Variants in ADGRL2 observed in about 807,000 individuals in gnomAD.
ADGRL2 encodes the protein adhesion G protein-coupled receptor L2, also known as calcium-independent alpha-latrotoxin receptor 2.
A neutral mutation model predicts 157.4 loss-of-function variants in ADGRL2; 44 were observed. The observed-to-expected ratio is 0.28, with a 90% confidence interval of 0.22 to 0.36. The LOEUF (loss-of-function observed/expected upper bound fraction) is 0.36. ADGRL2 is among the 10% of genes least tolerant of loss of function. The pLI is 1.00. For missense variants in ADGRL2, 1,510 were observed against 1,768.9 expected, an observed-to-expected ratio of 0.85 and a Z score of 2.63; for synonymous variants, 585 against 624.7, an observed-to-expected ratio of 0.94 and a Z score of 0.95.
At chr1:81,679,102 G>T (rs569780957) in intron 3 of ADGRL2, among the ~76,000 whole-genome samples, 3 of 152,140 alleles carry the variant, frequency 2.0e-5, no homozygotes, top group African/African-American at 7.2e-5. Flanking sequence ...GGTGGACCTC[G>T]AAATTGTTTC....
upstream of ADGRL2, among the ~76,000 whole-genome samples, chr1:81,696,645 G>A (rs891184523): frequency 1.3e-5 from 2 of 152,074 alleles, no homozygotes; most frequent in Non-Finnish European, 1.5e-5. Context: ...CCAGCTACTC[G>A]GGAGGCTGAG....
intron 3 of ADGRL2, among the ~76,000 whole-genome samples, chr1:81,644,004 C>T (rs1182530415): frequency 6.6e-6 from 1 of 152,126 alleles, no homozygotes; most frequent in East Asian, 1.9e-4. Flanking sequence ...TTAATCAAGA[C>T]ACTGTGGTAT....
intron 2 of ADGRL2, among the ~76,000 whole-genome samples, chr1:81,852,882 T>G (rs753427192): frequency 2.0e-5 from 3 of 152,158 alleles, no homozygotes; most frequent in Non-Finnish European, 4.4e-5. Flanking sequence ...TTTTTAACTG[T>G]GCTTAAGAAA....
chr1:81,388,236 T>A (rs2076472510), intron 1 of ADGRL2, among the ~76,000 whole-genome samples: 1 of 152,146 alleles, frequency 6.6e-6, no homozygotes, highest in South Asian at 2.1e-4. Flanking sequence ...CATAGTGCTT[T>A]GTGTGTGTTT....
intron 1 of ADGRL2, among the ~76,000 whole-genome samples, chr1:81,744,486 G>A (rs1023678334): frequency 1.3e-5 from 2 of 152,102 alleles, no homozygotes; most frequent in Non-Finnish European, 2.9e-5. Context: ...TAACCACTAC[G>A]CCCTCTGTGT....
At chr1:81,574,898 A>G (rs1461375258) in intron 2 of ADGRL2, among the ~76,000 whole-genome samples, 2 of 152,234 alleles carry the variant, frequency 1.3e-5, no homozygotes, top group East Asian at 3.8e-4. Context: ...TGTCATTACC[A>G]GATACCTTAG....
At chr1:81,908,723 T>G (rs756079527) in intron 3 of ADGRL2, among the ~76,000 whole-genome samples, 3 of 152,192 alleles carry the variant, frequency 2.0e-5, no homozygotes, top group Non-Finnish European at 4.4e-5. Flanking sequence ...CTTGCCAGCA[T>G]TCAGTGTTGC....
intron 1 of ADGRL2, among the ~76,000 whole-genome samples, chr1:81,407,186 T>C (rs937024143): frequency 6.6e-6 from 1 of 152,184 alleles, no homozygotes; most frequent in African/African-American, 2.4e-5. Context: ...GTTTGACATG[T>C]GGAGATATTT....
rs2077226934 is a variant in ADGRL2 at position 81,426,870 on chromosome 1, A to C, written c.-301-18166A>C. On this transcript the variant is annotated intron_variant, in intron 1 of 24. Transcript: ENST00000370721. Reference sequence around the variant, plus strand: ...GTGGTATTAAAGAAGATACAGAAGAATATAATTTGAGACTACTTTGAAAAG... The same window carrying C: ...GTGGTATTAAAGAAGATACAGAAGACTATAATTTGAGACTACTTTGAAAAG... The C allele has an allele frequency of 9.6e-6, 6 of 622,336 alleles. No individual in the cohort carries two copies. The Admixed American group carries it at 1.1e-4, about 12-fold the overall frequency. The allele number at this position is 622,336 out of a possible 1,614,324, so 38.6% of individuals were successfully genotyped here. A position where few individuals can be genotyped will look rare whatever the true frequency, so the allele number is the denominator to read the frequency against.
intron 11 of ADGRL2, among the ~76,000 whole-genome samples, chr1:81,961,066 T>G (rs1655200753): frequency 6.6e-6 from 1 of 152,188 alleles, no homozygotes; most frequent in Non-Finnish European, 1.5e-5. Flanking sequence ...TTACAGCCAC[T>G]ACTTGCTGAG....
At chr1:81,461,933 G>T (rs958938500) in intron 2 of ADGRL2, among the ~76,000 whole-genome samples, 1 of 121,766 alleles carries the variant, frequency 8.2e-6, no homozygotes, top group African/African-American at 3.1e-5. Flanking sequence ...AGAAGAAAGG[G>T]GGGGGGGGGT....
Position 81,901,581 on chromosome 1 carries a change from TA to T in ADGRL2, c.74-5435del, listed in dbSNP as rs200702644. ...CAAAGGATTAAAACATATATATATATATTTTTTTTTTTGATGATTTCTTCCC... is the reference window on the plus strand; with the variant it reads ...CAAAGGATTAAAACATATATATATATTTTTTTTTTTTGATGATTTCTTCCC... On this transcript the variant is annotated intron_variant, in intron 2 of 23. Coordinates refer to ENST00000686636, the MANE Select transcript of ADGRL2 (RefSeq NM_001366006.2). 6.7e-3 allele frequency among the ~76,000 whole-genome samples: 1,009 copies of T among 150,148 alleles called. 5 individuals are homozygous for T. The highest frequency in any genetic ancestry group is 0.02 in the African/African-American group (840 of 41,228).
chr1:81,510,768 A>T lies in ADGRL2; in HGVS notation c.-248+65679A>T, dbSNP rs146598723. 7.9e-3 allele frequency among the ~76,000 whole-genome samples: 1,200 copies of T among 152,312 alleles called. 14 individuals are homozygous for T. The highest frequency in any genetic ancestry group is 0.017 in the Middle Eastern group (5 of 294). The stretch of plus-strand genomic sequence containing the variant: ...AAAGACTGCGGTGTATTTCATTATT[A>T]GTACACATGAACAGTTTGAACTCTC... On this transcript the variant is annotated intron_variant, in intron 2 of 24. Coordinates refer to the ADGRL2 transcript ENST00000370721.
chr1:81,581,182 T>C (rs2080899146), intron 3 of ADGRL2, among the ~76,000 whole-genome samples: 1 of 152,196 alleles, frequency 6.6e-6, no homozygotes, highest in African/African-American at 2.4e-5. Context: ...TCTAAAACAG[T>C]ATTTTACAAA....
chr1:81,927,096 C>A (rs1450901991), intron 3 of ADGRL2, among the ~76,000 whole-genome samples: 1 of 151,846 alleles, frequency 6.6e-6, no homozygotes, highest in African/African-American at 2.4e-5. Flanking sequence ...TAAATTCTGG[C>A]ATAATATTTT....
chr1:81,813,893 A>G (rs188399390), intron 1 of ADGRL2, among the ~76,000 whole-genome samples: 2 of 151,680 alleles, frequency 1.3e-5, no homozygotes, highest in African/African-American at 4.8e-5. Flanking sequence ...GAGGCACAGT[A>G]ACTGTCATAG....
intron 1 of ADGRL2, among the ~76,000 whole-genome samples, chr1:81,418,595 C>CAA (rs58966751): frequency 6.7e-6 from 1 of 150,326 alleles, no homozygotes; most frequent in South Asian, 2.1e-4. Context: ...ACTAAAAATA[C>CAA]AAAAAAAAAA....
At chr1:81,649,857 T>G (rs1225939674) in intron 3 of ADGRL2, among the ~76,000 whole-genome samples, 1 of 152,162 alleles carries the variant, frequency 6.6e-6, no homozygotes, top group African/African-American at 2.4e-5. Flanking sequence ...GGCTCACAAC[T>G]AAGTTGTACT....
chr1:81,594,565 T>A (rs1480021322), intron 3 of ADGRL2, among the ~76,000 whole-genome samples: 1 of 152,204 alleles, frequency 6.6e-6, no homozygotes, highest in Non-Finnish European at 1.5e-5. Context: ...TTGGGATTTT[T>A]AAAAACATTT....
Sources: gnomAD v4.1 joint callset for allele counts (sites outside exome capture counted in the v4.1 genomes callset) on GRCh38, gnomAD v4.1.1 for gene constraint, MANE v1.5 for transcripts, NCBI Gene and HGNC (gene_info 2026-07-23, HGNC 2026-07-21) for gene names.